The following CEP350 variants were observed in gnomAD, a reference collection of about 807,000 sequenced individuals.
CEP350 encodes the protein centrosome-associated protein 350.
Under a neutral mutation model 331.8 loss-of-function variants are expected in CEP350, and 126 were observed. The ratio of observed to expected loss-of-function variants is 0.38; its 90% CI spans 0.33 to 0.44. CEP350 has a LOEUF of 0.44. Ranked by LOEUF, CEP350 falls within the 20% of genes least tolerant of loss-of-function variation. CEP350 has a pLI of 1.00. For synonymous variants in CEP350, 1,200 were observed against 1,259.5 expected (o/e 0.95, Z 1.00); for missense variants, 3,406 against 3,634.6 (o/e 0.94, Z 1.62).
intron 14 of CEP350, among the ~76,000 whole-genome samples, chr1:180,029,268 A>G (rs1655859199): frequency 6.6e-6 from 1 of 152,178 alleles, no homozygotes; most frequent in Admixed American, 6.5e-5. Context: ...CTTGCACAGA[A>G]TGTTATCTTG....
Position 180,024,573 on chromosome 1 carries a change from A to G in CEP350, c.3541A>G (p.Lys1181Glu), listed in dbSNP as rs746161884. ...TAAAGGAAAGAAAGGAAAAAAGGAA[A>G]AGACAGAATGTAAGTGGAATTCCAC... ...SSKGKKGKKE[K>E]TEWLDSFTGN... is the part of the protein sequence containing the mutation. The change falls in exon 14 of 38, where the codon AAG (lysine) becomes GAG (glutamate). Residue 1181 changes from lysine to glutamate, a missense_variant. Physicochemically the swap from Lys to Glu is moderately conservative, Grantham distance 56 (BLOSUM62 1). This residue lies in a region of CEP350 where 1,857 missense variants were observed against 1,909.2 expected (regional missense o/e 0.97). Coordinates refer to ENST00000367607, the MANE Select transcript of CEP350 (RefSeq NM_014810.5). The G allele has an allele frequency of 4.3e-6, 7 of 1,610,208 alleles. No individual in the cohort carries two copies. Among genetic ancestry groups the G allele is most frequent in the Non-Finnish European group, 5.9e-6 (7 of 1,178,340 alleles).
Position 180,052,954 on chromosome 1 carries a change from C to CTCCATAT in CEP350, c.4793-13_4793-7dup. ...CAATTATAATGATAAAATCTACTTT[C>CTCCATAT]TCCATATTCTTTTAGACTCAACGTC... On this transcript the variant is annotated splice_polypyrimidine_tract_variant and intron_variant, in intron 22 of 37. Transcript: ENST00000367607. 1.0e-6 allele frequency: 1 copy of CTCCATAT among 988,506 alleles called. No individual in the cohort carries two copies. Among genetic ancestry groups the CTCCATAT allele is most frequent in the Non-Finnish European group, 1.5e-6 (1 of 648,854 alleles). 61.2% of individuals were successfully genotyped at this position (988,506 alleles called of 1,614,324 possible).
At chr1:179,991,121 T>A (rs1320770037) in intron 4 of CEP350, among the ~76,000 whole-genome samples, 1 of 151,974 alleles carries the variant, frequency 6.6e-6, no homozygotes, top group Non-Finnish European at 1.5e-5. Flanking sequence ...AGGTTATATA[T>A]GTCTGATTTT....
Position 180,062,285 on chromosome 1 carries a change from A to G in CEP350, c.5328A>G (p.Lys1776=). The G allele has an allele frequency of 6.2e-7, 1 of 1,611,174 alleles. No individual in the cohort carries two copies. The highest frequency in any genetic ancestry group is 8.5e-7 in the Non-Finnish European group (1 of 1,178,448). ...AARKERQLIL[K]QQEEIEKIRQ... ...GGAAGGAAAGACAGCTGATTCTTAA[A>G]CAGCAGGAGGAGATAGAAAAGATCC... Residue 1776 remains lysine, a synonymous_variant, in exon 26 of 38, where the codon AAA becomes AAG. Coordinates refer to ENST00000367607, the MANE Select transcript of CEP350 (RefSeq NM_014810.5).
chr1:179,978,547 C>G (rs1415707657), intron 1 of CEP350, among the ~76,000 whole-genome samples: 1 of 152,030 alleles, frequency 6.6e-6, no homozygotes, highest in African/African-American at 2.4e-5. Context: ...CCCTTAACCC[C>G]CCTCCCAGCC....
intron 22 of CEP350, chr1:180,052,368 T>TTTATAAAA: frequency 2.8e-6 from 1 of 356,250 alleles, no homozygotes; most frequent in East Asian, 8.3e-5. Context: ...ATATCATTCT[T>TTTATAAAA]TAATAAAATA....
intron 7 of CEP350, among the ~76,000 whole-genome samples, chr1:180,004,267 T>G (rs1008928014): frequency 6.6e-6 from 1 of 152,226 alleles, no homozygotes; most frequent in African/African-American, 2.4e-5. Flanking sequence ...CAAAAGACTT[T>G]GATATTCTGC....
chr1:180,113,328 C>G lies in CEP350; in HGVS notation c.*2167C>G, dbSNP rs960969680. 2 of 151,878 alleles carry G rather than the reference C, an allele frequency of 1.3e-5. No homozygotes were observed. Among genetic ancestry groups the G allele is most frequent in the African/African-American group, 4.8e-5 (2 of 41,418 alleles). 9.4% of individuals were successfully genotyped at this position (151,878 alleles called of 1,614,324 possible). The stretch of plus-strand genomic sequence containing the variant: ...ACATCTTCATTATTTGGACCTAAAA[C>G]CAGTTTTTAATAAGAAAGTTTATCT... On this transcript the variant is annotated 3_prime_UTR_variant, in exon 38 of 38. Transcript: ENST00000367607.
chr1:179,961,644 C>T (rs531710276), intron 1 of CEP350, among the ~76,000 whole-genome samples: 2 of 152,116 alleles, frequency 1.3e-5, no homozygotes, highest in African/African-American at 4.8e-5. Context: ...AGCTTTAATA[C>T]GGTTTGTTTC....
intron 27 of CEP350, among the ~76,000 whole-genome samples, chr1:180,067,643 C>T (rs1039354287): frequency 1.3e-5 from 2 of 152,054 alleles, no homozygotes; most frequent in Non-Finnish European, 2.9e-5. Context: ...GAGCTGAGCT[C>T]ATGCCGCCAT....
chr1:179,980,007 G>A (rs1010978798), intron 1 of CEP350, among the ~76,000 whole-genome samples: 10 of 152,080 alleles, frequency 6.6e-5, no homozygotes, highest in African/African-American at 1.2e-4. Flanking sequence ...GATTGCTTTG[G>A]CAATTTGGTG....
intron 1 of CEP350, among the ~76,000 whole-genome samples, chr1:179,961,685 G>A (rs910955764): frequency 1.3e-5 from 2 of 152,052 alleles, no homozygotes; most frequent in South Asian, 2.1e-4. Context: ...GTTAGACTAC[G>A]CTTTAGCTTT....
At chr1:180,078,171 A>G (rs1571966275) in intron 28 of CEP350, among the ~76,000 whole-genome samples, 1 of 152,216 alleles carries the variant, frequency 6.6e-6, no homozygotes, top group African/African-American at 2.4e-5. Flanking sequence ...AAGGACCAAA[A>G]AGCAAAGACA....
At position 180,044,318 on chromosome 1, in the gene CEP350, AT is replaced by A. The variant is rs1318967100; in HGVS notation, c.4622+148del. ...AAGTGCTGGCTTCCCTAATTAGCCA[AT>A]TTACAAAATAGTTGGTCCATGTAAT... On this transcript the variant is annotated intron_variant, in intron 21 of 37. Coordinates refer to ENST00000367607, the MANE Select transcript of CEP350 (RefSeq NM_014810.5). 14 of 721,918 alleles carry A rather than the reference AT, an allele frequency of 1.9e-5. No individual in the cohort carries two copies. In the Admixed American group the frequency reaches 5.3e-4, roughly 27 times the overall value. 44.7% of individuals were successfully genotyped at this position (721,918 alleles called of 1,614,324 possible).
chr1:180,084,311 TAAA>T (rs1196213017), intron 31 of CEP350, 133 bp downstream of exon 31: 2 of 822,782 alleles, frequency 2.4e-6, no homozygotes, highest in Admixed American at 3.9e-5. Flanking sequence ...TTTATTCTCT[TAAA>T]AAAAATCTGA....
intron 1 of CEP350, among the ~76,000 whole-genome samples, chr1:179,972,831 T>G (rs1397757984): frequency 6.6e-6 from 1 of 151,992 alleles, no homozygotes. Flanking sequence ...TGGAGTTGCT[T>G]GAAGAGTCAG....
Position 180,095,718 on chromosome 1 carries a change from A to G in CEP350, c.8707A>G (p.Lys2903Glu), listed in dbSNP as rs1473198023. Residue 2903 changes from lysine (K) to glutamate (E), a missense_variant, in exon 35 of 38, where the codon AAA (lysine) becomes GAA (glutamate). Lys to Glu is a moderately conservative substitution (Grantham distance 56, BLOSUM62 1). Transcript: ENST00000367607. ...ETIVPLMAEPKRVTQQPCETL... is the reference protein window; with the variant it reads ...ETIVPLMAEPERVTQQPCETL... ...CATTGTACCTCTAATGGCAGAACCT[A>G]AAAGAGTAACCCAACAACCATGTGA... The G allele has an allele frequency of 6.2e-7, 1 of 1,614,036 alleles. No individual in the cohort carries two copies. Among genetic ancestry groups the G allele is most frequent in the South Asian group, 1.1e-5 (1 of 91,086 alleles).
intron 25 of CEP350, among the ~76,000 whole-genome samples, chr1:180,057,292 G>A (rs1436070640): frequency 6.6e-6 from 1 of 151,428 alleles, no homozygotes; most frequent in Non-Finnish European, 1.5e-5. Flanking sequence ...GTAGAGACGG[G>A]GTTTCACCAT....
intron 6 of CEP350, among the ~76,000 whole-genome samples, chr1:180,001,469 G>C (rs1653865638): frequency 6.6e-6 from 1 of 152,100 alleles, no homozygotes; most frequent in African/African-American, 2.4e-5. Flanking sequence ...ATGTTGGCCA[G>C]GCTGGTCTCA....
Sources: gnomAD v4.1 joint callset for allele counts (sites outside exome capture counted in the v4.1 genomes callset) on GRCh38, gnomAD v4.1.1 for gene constraint, gnomAD v4.1.1 regional missense constraint, MANE v1.5 for transcripts, NCBI Gene and HGNC (gene_info 2026-07-23, HGNC 2026-07-21) for gene names.